CTIF: variants seen among roughly 807,000 people sequenced by gnomAD.
CTIF encodes CBP80/20-dependent translation initiation factor.
CTIF carries 21 observed loss-of-function variants against 66.0 expected under a neutral mutation model. The ratio of observed to expected loss-of-function variants is 0.32; its 90% CI spans 0.23 to 0.46. The LOEUF (loss-of-function observed/expected upper bound fraction) is 0.46. Among genes scored for constraint, CTIF ranks in the 20% least tolerant of loss-of-function variants. The pLI is 1.00. For missense variants in CTIF, 739 were observed against 812.7 expected, an observed-to-expected ratio of 0.91 and a Z score of 1.10; for synonymous variants, 345 against 326.4, an observed-to-expected ratio of 1.06 and a Z score of -0.62.
chr18:48,555,798 C>G (rs1336397022), intron 1 of CTIF, among the ~76,000 whole-genome samples: 1 of 152,110 alleles, frequency 6.6e-6, no homozygotes. Context: ...TGGTGTCTGC[C>G]CCCAGGGAAG....
At chr18:48,847,212 G>A (rs2146594090) in intron 10 of CTIF, among the ~76,000 whole-genome samples, 1 of 151,544 alleles carries the variant, frequency 6.6e-6, no homozygotes, top group African/African-American at 2.4e-5. Flanking sequence ...GGAGGCTGAG[G>A]CAGGAGAATC....
intron 6 of CTIF, among the ~76,000 whole-genome samples, chr18:48,709,860 C>G (rs2145470972): frequency 6.6e-6 from 1 of 152,376 alleles, no homozygotes; most frequent in East Asian, 1.9e-4. Context: ...TTCATTCATG[C>G]TTTCTTGGCT....
chr18:48,603,654 A>G (rs991444679), intron 1 of CTIF, among the ~76,000 whole-genome samples: 14 of 149,364 alleles, frequency 9.4e-5, no homozygotes, highest in African/African-American at 2.7e-4. Context: ...TGGATGGATG[A>G]ATGGATGAAT....
chr18:48,851,134 C>T (rs1456320466), intron 10 of CTIF, among the ~76,000 whole-genome samples: 1 of 152,216 alleles, frequency 6.6e-6, no homozygotes, highest in African/African-American at 2.4e-5. Context: ...TGCCTTAGGG[C>T]CCTGGGCAGT....
intron 3 of CTIF, among the ~76,000 whole-genome samples, chr18:48,646,612 T>C (rs979100995): frequency 1.3e-5 from 2 of 151,768 alleles, no homozygotes; most frequent in African/African-American, 4.8e-5. Flanking sequence ...CTGGGCATAG[T>C]GGCACATACC....
chr18:48,774,871 G>A (rs978840637), intron 9 of CTIF, among the ~76,000 whole-genome samples: 1 of 152,144 alleles, frequency 6.6e-6, no homozygotes, highest in Non-Finnish European at 1.5e-5. Context: ...CGGAATAAGT[G>A]CATTCTTGAG....
intron 1 of CTIF, among the ~76,000 whole-genome samples, chr18:48,547,715 A>G (rs1023720812): frequency 6.6e-6 from 1 of 152,132 alleles, no homozygotes; most frequent in Non-Finnish European, 1.5e-5. Flanking sequence ...AAGGGCCTCC[A>G]TTTGTCAAGC....
chr18:48,832,936 G>A (rs563260246), intron 10 of CTIF, among the ~76,000 whole-genome samples: 1 of 152,240 alleles, frequency 6.6e-6, no homozygotes, highest in South Asian at 2.1e-4. Flanking sequence ...GCTGAGTCTG[G>A]GGGGCGGAGG....
chr18:48,667,721 C>T (rs549330611), intron 5 of CTIF, among the ~76,000 whole-genome samples: 4 of 152,318 alleles, frequency 2.6e-5, no homozygotes, highest in African/African-American at 9.6e-5. Context: ...AATTCCTCGG[C>T]CAGTCTCACT....
chr18:48,859,614 GC>G lies in CTIF; in HGVS notation c.*57del. 1 of 1,536,756 alleles carries G rather than the reference GC, an allele frequency of 6.5e-7. No individual in the cohort carries two copies. The highest frequency in any genetic ancestry group is 9.0e-7 in the Non-Finnish European group (1 of 1,110,590). The stretch of plus-strand genomic sequence containing the variant: ...GGCAGCTGGGGCCCTGGTGCACAGG[GC>G]CAGATGGACAGGCGGGAGGACAGGG... On this transcript the variant is annotated 3_prime_UTR_variant, in exon 12 of 12. Transcript: ENST00000256413.
At chr18:48,663,869 G>A (rs781219952) in intron 4 of CTIF, 44 bp downstream of exon 4, 10 of 1,556,992 alleles carry the variant, frequency 6.4e-6, no homozygotes, top group South Asian at 3.3e-5. Flanking sequence ...AGGTCCAGCC[G>A]GGGAAACTGG....
chr18:48,721,779 C>T (rs1451842354), intron 7 of CTIF, among the ~76,000 whole-genome samples: 2 of 152,158 alleles, frequency 1.3e-5, no homozygotes, highest in African/African-American at 4.8e-5. Context: ...ACACTCACTC[C>T]TGTGCAGGAA....
chr18:48,650,508 G>A (rs1258922687), intron 3 of CTIF, among the ~76,000 whole-genome samples: 3 of 152,228 alleles, frequency 2.0e-5, no homozygotes, highest in Admixed American at 2.0e-4. Context: ...TTTGATTGGT[G>A]TACCTGAAAG....
chr18:48,582,389 AAG>A (rs2089678271), intron 1 of CTIF, among the ~76,000 whole-genome samples: 1 of 152,118 alleles, frequency 6.6e-6, no homozygotes, highest in South Asian at 2.1e-4. Context: ...TCAGGGCCTA[AAG>A]ACAGGCTTCT....
At position 48,823,976 on chromosome 18, in the gene CTIF, C is replaced by CCACACACACACACACA. The variant is rs35554666; in HGVS notation, c.1527+6623_1527+6638dup. 1.7e-4 allele frequency among the ~76,000 whole-genome samples: 21 copies of CCACACACACACACACA among 124,216 alleles called. No homozygotes were observed. The East Asian group carries it at 4.9e-3, about 29-fold the overall frequency. 81.5% of individuals were successfully genotyped at this position (124,216 alleles called of 152,430 possible). ...TTATATATAGAAAATCCTAAAGACT[C>CCACACACACACACACA]CACACACACACACACACACACACAC... is the stretch of plus-strand genomic sequence containing the variant. On this transcript the variant is annotated intron_variant, in intron 10 of 11. Transcript: ENST00000256413.
chr18:48,660,602 C>T (rs1414626902), intron 3 of CTIF, among the ~76,000 whole-genome samples: 1 of 152,226 alleles, frequency 6.6e-6, no homozygotes, highest in Non-Finnish European at 1.5e-5. Flanking sequence ...GTTTGCCCTG[C>T]CCAGTCACCT....
intron 9 of CTIF, among the ~76,000 whole-genome samples, chr18:48,766,592 G>A (rs1223937119): frequency 6.6e-6 from 1 of 152,240 alleles, no homozygotes; most frequent in Non-Finnish European, 1.5e-5. Flanking sequence ...TAGCCAGGGT[G>A]GAACACCACT....
chr18:48,698,193 A>C (rs1488858669), intron 6 of CTIF, among the ~76,000 whole-genome samples: 1 of 146,038 alleles, frequency 6.8e-6, no homozygotes, highest in Non-Finnish European at 1.5e-5. Context: ...TGAAGGGAAC[A>C]CCAAGTACAC....
chr18:48,670,601 C>A, intron 5 of CTIF, 68 bp from the exon 6 acceptor site: 1 of 1,425,764 alleles, frequency 7.0e-7, no homozygotes. Context: ...TCCTCTCCTG[C>A]TGGCCGGATG....
Sources: allele counts gnomAD v4.1 joint callset (sites outside exome capture counted in the v4.1 genomes callset), GRCh38; gene constraint gnomAD v4.1.1; transcripts MANE v1.5; gene names NCBI Gene and HGNC (gene_info 2026-07-23, HGNC 2026-07-21).